TBC1D32: variants seen among roughly 807,000 people sequenced by gnomAD.
TBC1D32 encodes the protein protein broad-minded.
TBC1D32 carries 151 observed loss-of-function variants against 170.3 expected under a neutral mutation model. The ratio of observed to expected loss-of-function variants is 0.89; its 90% CI spans 0.78 to 1.01. The LOEUF is 1.01. TBC1D32 is among the 50% of genes least tolerant of loss of function. The probability of loss-of-function intolerance (pLI) is 0.00; values close to 1 mark genes in which losing one functional copy is unlikely to be tolerated. For synonymous variants in TBC1D32, 498 were observed against 488.0 expected (o/e 1.02, Z -0.27); for missense variants, 1,464 against 1,457.1 (o/e 1.00, Z -0.08).
At chr6:121,141,946 G>A (rs1015562872) in intron 24 of TBC1D32, among the ~76,000 whole-genome samples, 4 of 152,174 alleles carry the variant, frequency 2.6e-5, no homozygotes, top group Non-Finnish European at 5.9e-5. Context: ...GAATGTAGAG[G>A]AGTTTATCTA....
chr6:121,121,239 C>T (rs1045611155), intron 26 of TBC1D32, among the ~76,000 whole-genome samples: 6 of 151,850 alleles, frequency 4.0e-5, no homozygotes, highest in East Asian at 1.9e-4. Context: ...ACAGGTGAGT[C>T]GGGCATTATC....
At chr6:121,184,894 G>A (rs192658850) in intron 22 of TBC1D32, among the ~76,000 whole-genome samples, 150 of 152,092 alleles carry the variant, frequency 9.9e-4, no homozygotes, top group Middle Eastern at 6.8e-3. Flanking sequence ...GAAAGAGGCC[G>A]ACCTATCCAT....
chr6:121,232,341 G>T (rs1440280527), intron 20 of TBC1D32, among the ~76,000 whole-genome samples: 1 of 152,082 alleles, frequency 6.6e-6, no homozygotes, highest in Non-Finnish European at 1.5e-5. Context: ...AAAATAATGT[G>T]AAGTTGGGTA....
At chr6:121,232,689 C>G (rs1795894405) in intron 20 of TBC1D32, among the ~76,000 whole-genome samples, 1 of 151,318 alleles carries the variant, frequency 6.6e-6, no homozygotes, top group Admixed American at 6.7e-5. Flanking sequence ...ATTTTTGCAA[C>G]TATTGTAAAC....
intron 21 of TBC1D32, among the ~76,000 whole-genome samples, chr6:121,209,455 C>T (rs202063771): frequency 1.3e-5 from 2 of 152,128 alleles, no homozygotes; most frequent in South Asian, 2.1e-4. Context: ...ACCAAAACTT[C>T]ATACACTTTG....
chr6:121,316,562 G>A (rs1352843386), intron 3 of TBC1D32, among the ~76,000 whole-genome samples: 4 of 152,060 alleles, frequency 2.6e-5, no homozygotes, highest in Admixed American at 6.6e-5. Context: ...CATCACATCA[G>A]GTAATCAATT....
rs139480245 is a variant in TBC1D32 at position 121,169,708 on chromosome 6, A to G, written c.2571-8652T>C. Among the ~76,000 whole-genome samples, 53 of 152,214 alleles carry G rather than the reference A, an allele frequency of 3.5e-4. No homozygotes were observed. In the East Asian group the frequency reaches 9.1e-3, roughly 26 times the overall value. ...CAGCAGCTGTTAATCTTTTCCTTCTACAAAAAACCTAGAGTATCAAGTAAT... is the reference window on the plus strand; with the variant it reads ...CAGCAGCTGTTAATCTTTTCCTTCTGCAAAAAACCTAGAGTATCAAGTAAT... On this transcript the variant is annotated intron_variant, in intron 22 of 31. Transcript: ENST00000398212.
chr6:121,092,291 A>ATTTTTTT, intron 30 of TBC1D32, among the ~76,000 whole-genome samples: 1 of 26,414 alleles, frequency 3.8e-5, no homozygotes. Flanking sequence ...CTTCAGTTTT[A>ATTTTTTT]TGTTTTTTTT....
At chr6:121,220,856 C>T (rs977952519) in intron 21 of TBC1D32, among the ~76,000 whole-genome samples, 2 of 151,798 alleles carry the variant, frequency 1.3e-5, no homozygotes, top group Non-Finnish European at 2.9e-5. Flanking sequence ...GGCCAGGCTG[C>T]TCTCGAACTC....
intron 26 of TBC1D32, among the ~76,000 whole-genome samples, chr6:121,119,955 T>C (rs1026707780): frequency 3.3e-5 from 5 of 152,120 alleles, no homozygotes; most frequent in African/African-American, 1.2e-4. Context: ...CTATCCAGTA[T>C]TTGTTTTAAA....
intron 26 of TBC1D32, among the ~76,000 whole-genome samples, chr6:121,118,525 A>C (rs1455163093): frequency 6.6e-6 from 1 of 152,194 alleles, no homozygotes; most frequent in Non-Finnish European, 1.5e-5. Flanking sequence ...TTGGTTTGCA[A>C]AGCTAGCACA....
At chr6:121,290,089 A>G (rs371139125) in intron 12 of TBC1D32, among the ~76,000 whole-genome samples, 4,977 of 152,124 alleles carry the variant, frequency 0.033, 192 homozygotes, top group East Asian at 0.12. Flanking sequence ...ATAGGCATGG[A>G]CAAGGACTTC....
intron 14 of TBC1D32, among the ~76,000 whole-genome samples, chr6:121,280,622 A>T (rs1802853805): frequency 6.6e-6 from 1 of 151,902 alleles, no homozygotes. Flanking sequence ...GACCAAGCGT[A>T]AAATTTTCTA....
In TBC1D32 at chr6:121,330,427, C is replaced by A. The variant is rs537176370; in HGVS notation, c.155+3849G>T. On this transcript the variant is annotated intron_variant, in intron 1 of 31. Transcript: ENST00000398212. The stretch of plus-strand genomic sequence containing the variant: ...AATTCTTCTGTAAAACAAAGAATAA[C>A]ACTCAATTCAATAAATATTACTATG... Among the ~76,000 whole-genome samples the A allele has an allele frequency of 2.1e-3, 315 of 152,216 alleles. 1 individual carries two copies. The highest frequency in any genetic ancestry group is 7.3e-3 in the African/African-American group (303 of 41,530).
At chr6:121,279,702 T>C (rs1802729278) in intron 14 of TBC1D32, among the ~76,000 whole-genome samples, 1 of 151,998 alleles carries the variant, frequency 6.6e-6, no homozygotes, top group South Asian at 2.1e-4. Context: ...CAACTAGGGA[T>C]AGCCAATTCA....
chr6:121,119,730 T>C (rs955233915), intron 26 of TBC1D32, among the ~76,000 whole-genome samples: 1 of 152,156 alleles, frequency 6.6e-6, no homozygotes, highest in Non-Finnish European at 1.5e-5. Flanking sequence ...CTGTTTGTTC[T>C]TTCCTCTTTC....
At chr6:121,246,085 C>A (rs762700494) in intron 17 of TBC1D32, among the ~76,000 whole-genome samples, 1 of 151,986 alleles carries the variant, frequency 6.6e-6, no homozygotes, top group Non-Finnish European at 1.5e-5. Flanking sequence ...AACCTGAAGC[C>A]CAAATCCTCA....
chr6:121,280,096 A>G (rs1212537155), intron 14 of TBC1D32, among the ~76,000 whole-genome samples: 1 of 151,934 alleles, frequency 6.6e-6, no homozygotes, highest in Non-Finnish European at 1.5e-5. Context: ...ACTGTTTAGC[A>G]TGAATAGCAC....
intron 20 of TBC1D32, among the ~76,000 whole-genome samples, chr6:121,235,419 G>T (rs1796216339): frequency 6.6e-6 from 1 of 152,164 alleles, no homozygotes; most frequent in Non-Finnish European, 1.5e-5. Flanking sequence ...GGCGAAGTTT[G>T]CTGTGGCTGC....
Sources: gnomAD v4.1 joint callset for allele counts (sites outside exome capture counted in the v4.1 genomes callset) on GRCh38, gnomAD v4.1.1 for gene constraint, MANE v1.5 for transcripts, NCBI Gene and HGNC (gene_info 2026-07-23, HGNC 2026-07-21) for gene names.